OBP2A: variants seen among roughly 807,000 people sequenced by gnomAD.
The protein encoded by OBP2A is odorant binding protein 2A, also known as odorant-binding protein 2a.
OBP2A carries 15 observed loss-of-function variants against 21.9 expected under a neutral mutation model. That is an observed-to-expected ratio of 0.69 (90% CI 0.46 to 1.06). OBP2A has a LOEUF of 1.06. OBP2A is among the 50% of genes least tolerant of loss of function. The pLI, the probability that OBP2A is intolerant of heterozygous loss-of-function variation, is 0.00. For synonymous variants in OBP2A, 86 were observed against 91.8 expected (o/e 0.94, Z 0.36); for missense variants, 192 against 220.1 (o/e 0.87, Z 0.81).
At position 135,549,863 on chromosome 9, in the gene OBP2A, C is replaced by A. The variant is rs1832076162; in HGVS notation, c.*28C>A. On this transcript the variant is annotated 3_prime_UTR_variant, in exon 7 of 7. Coordinates refer to ENST00000371776, the MANE Select transcript of OBP2A (RefSeq NM_014582.3). ...AGCCCCCGGGTCTGCACCTCCAGAG[C>A]CCACCCTACCACCAGACACAGAGCC... The A allele has an allele frequency of 1.9e-6, 3 of 1,548,908 alleles. No homozygotes were observed. Among genetic ancestry groups the A allele is most frequent in the Non-Finnish European group, 2.6e-6 (3 of 1,146,148 alleles).
At chr9:135,548,612 C>T (rs1832019165) in intron 4 of OBP2A, 96 bp from the exon 5 acceptor site, 2 of 1,573,738 alleles carry the variant, frequency 1.3e-6, no homozygotes, top group East Asian at 2.3e-5. Context: ...CTCCCCCGTC[C>T]TGATGCTGGG....
rs1356360496 is a variant in OBP2A at position 135,549,332 on chromosome 9, G to A, written c.*1+1G>A. 4 of 1,507,126 alleles carry A rather than the reference G, an allele frequency of 2.7e-6. 1 individual carries two copies. Among genetic ancestry groups the A allele is most frequent in the Admixed American group, 3.5e-5 (2 of 57,694 alleles). The allele number at this position is 1,507,126 out of a possible 1,614,324, so 93.4% of individuals were successfully genotyped here. A position where few individuals can be genotyped will look rare whatever the true frequency, so the allele number is the denominator to read the frequency against. On this transcript the variant is annotated splice_donor_variant, in intron 6 of 6. Coordinates refer to ENST00000371776, the MANE Select transcript of OBP2A (RefSeq NM_014582.3). LOFTEE classifies it low-confidence loss of function (3UTR_SPLICE). ...GGAAGCTGCGTTCTCGAACACTAGG[G>A]TGAGTGAGCCTTTAGGAGGGCACTG...
chr9:135,549,009 G>A (rs1416230949), intron 5 of OBP2A, among the ~76,000 whole-genome samples, 200 bp downstream of exon 5: 2 of 138,280 alleles, frequency 1.4e-5, no homozygotes, highest in African/African-American at 6.2e-5. Flanking sequence ...GGGGCTCCGC[G>A]CTCTGGGCTG....
rs142617413 is a variant in OBP2A, at chr9:135,546,828, G to A, written c.123G>A (p.Pro41=). 147 of 1,613,390 alleles carry A rather than the reference G, an allele frequency of 9.1e-5. 2 individuals carry two copies. The African/African-American group carries it at 1.1e-3, about 12-fold the overall frequency. The change falls in exon 2 of 7, where the codon CCG becomes CCA. Residue 41 remains proline, a synonymous_variant. Coordinates refer to ENST00000371776, the MANE Select transcript of OBP2A (RefSeq NM_014582.3). ...VKAMVVDKDF[P]EDRRPRKVSP... is the part of the protein sequence containing the mutation. ...CCATGGTGGTCGATAAGGACTTTCC[G>A]GAGGACAGGAGGCCCAGGAAGGTGT...
intron 1 of OBP2A, among the ~76,000 whole-genome samples, chr9:135,546,505 G>A (rs1358109587): frequency 1.3e-4 from 20 of 151,772 alleles, no homozygotes; most frequent in Non-Finnish European, 5.9e-5. Flanking sequence ...CGCAGGGTTG[G>A]GCCCTGTGGA....
intron 4 of OBP2A, 87 bp from the exon 5 acceptor site, chr9:135,548,621 G>A: frequency 6.3e-7 from 1 of 1,586,182 alleles, no homozygotes; most frequent in Non-Finnish European, 8.6e-7. Flanking sequence ...CCTGATGCTG[G>A]GCCGTGGTCG....
In OBP2A at chr9:135,547,908, CG is replaced by C. The variant is rs1276048146; in HGVS notation, c.318del (p.Thr107ArgfsTer101). On this transcript the variant is annotated frameshift_variant, in exon 4 of 7. Coordinates refer to ENST00000371776, the MANE Select transcript of OBP2A (RefSeq NM_014582.3). LOFTEE classifies it high-confidence loss of function. The stretch of plus-strand genomic sequence containing the variant: ...AGCTCATATACCTGCAGGAGCTGCC[CG>C]GGACGGACGACTACGTCTTTTACTG... Reference protein sequence around the residue: ...RKLIYLQELPGTDDYVFYCKD... With the variant: ...RKLIYLQELPXTDDYVFYCKD... 1 of 1,613,076 alleles carries C rather than the reference CG, an allele frequency of 6.2e-7. No homozygotes were observed. The highest frequency in any genetic ancestry group is 1.3e-5 in the African/African-American group (1 of 74,914).
At position 135,547,988 on chromosome 9, in the gene OBP2A, G is replaced by T; in HGVS notation, c.388+7G>T. On this transcript the variant is annotated splice_region_variant and intron_variant, in intron 4 of 6. Coordinates refer to ENST00000371776, the MANE Select transcript of OBP2A (RefSeq NM_014582.3). ...TACATGGGAAAGCTTGTGGGTGAGG[G>T]GCCCGCTGGGGCCTGCATGTCCTGC... 3 of 1,579,810 alleles carry T rather than the reference G, an allele frequency of 1.9e-6. No homozygotes were observed. Among genetic ancestry groups the T allele is most frequent in the African/African-American group, 1.3e-5 (1 of 74,166 alleles).
Position 135,549,181 on chromosome 9 carries a change from G to A in OBP2A, c.491-127G>A, listed in dbSNP as rs1371053602. On this transcript the variant is annotated intron_variant, in intron 5 of 6. Coordinates refer to ENST00000371776, the MANE Select transcript of OBP2A (RefSeq NM_014582.3). ...TCTGGGGCTCCGCGCTCTGGGCTGC[G>A]ATGGGGTCTGGGGCTCCGCGCTCTG... 1.4e-5 allele frequency: 8 copies of A among 568,234 alleles called. 1 individual carries two copies. The highest frequency in any genetic ancestry group is 4.3e-4 in the Middle Eastern group (1 of 2,302). The allele number at this position is 568,234 out of a possible 1,614,324, so 35.2% of individuals were successfully genotyped here.
Position 135,547,909 on chromosome 9 carries a change from G to A in OBP2A, c.316G>A (p.Gly106Arg), listed in dbSNP as rs145390047. Reference protein sequence around the residue: ...RKLIYLQELPGTDDYVFYCKD... With the variant: ...RKLIYLQELPRTDDYVFYCKD... ...GCTCATATACCTGCAGGAGCTGCCC[G>A]GGACGGACGACTACGTCTTTTACTG... is the stretch of plus-strand genomic sequence containing the variant. Residue 106 changes from glycine (G) to arginine (R), a missense_variant, in exon 4 of 7, where the codon GGG becomes AGG. By Grantham distance (125) the Gly-to-Arg change is moderately radical (BLOSUM62 -2). Transcript: ENST00000371776. The A allele has an allele frequency of 5.1e-5, 82 of 1,613,180 alleles. No homozygotes were observed. The African/African-American group carries it at 5.7e-4, about 11-fold the overall frequency.
chr9:135,547,954 G>T lies in OBP2A; in HGVS notation c.361G>T (p.Gly121Cys). 2 of 1,612,562 alleles carry T rather than the reference G, an allele frequency of 1.2e-6. No individual in the cohort carries two copies. The highest frequency in any genetic ancestry group is 1.7e-6 in the Non-Finnish European group (2 of 1,179,132). Residue 121 changes from glycine (G) to cysteine (C), a missense_variant, in exon 4 of 7, where the codon GGC becomes TGC. Transcript: ENST00000371776. ...VFYCKDQRRG[G>C]LRYMGKLVGR... is the part of the protein sequence containing the mutation. ...TTACTGCAAAGACCAGCGCCGTGGG[G>T]GCCTGCGCTACATGGGAAAGCTTGT...
chr9:135,546,185 A>G lies in OBP2A; in HGVS notation c.5A>G (p.Lys2Arg), dbSNP rs1333276872. The G allele has an allele frequency of 4.7e-6, 7 of 1,479,518 alleles. No individual in the cohort carries two copies. The highest frequency in any genetic ancestry group is 1.8e-5 in the Admixed American group (1 of 54,394). The allele number at this position is 1,479,518 out of a possible 1,614,324, so 91.6% of individuals were successfully genotyped here. Reference sequence around the variant, plus strand: ...CGGCAGCACAGAGCTCTGGAGATGAAGACCCTGTTCCTGGGTGTCACGCTC... The same window carrying G: ...CGGCAGCACAGAGCTCTGGAGATGAGGACCCTGTTCCTGGGTGTCACGCTC... M[K>R]TLFLGVTLGL... The change falls in exon 1 of 7, where the codon AAG becomes AGG. Residue 2 changes from lysine (K) to arginine (R), a missense_variant. Coordinates refer to ENST00000371776, the MANE Select transcript of OBP2A (RefSeq NM_014582.3).
chr9:135,546,656 C>T (rs1831939554), intron 1 of OBP2A, 122 bp from the exon 2 acceptor site: 15 of 1,490,090 alleles, frequency 1.0e-5, no homozygotes, highest in Middle Eastern at 2.4e-4. Context: ...AGGAACCCAG[C>T]CTGCCTTTAG....
intron 2 of OBP2A, 44 bp from the exon 3 acceptor site, chr9:135,547,134 G>T (rs4006724): frequency 0.18 from 256,916 of 1,399,446 alleles, 30,402 homozygotes; most frequent in Non-Finnish European, 0.19. Flanking sequence ...GGATGGGCCA[G>T]GTGTGTCCTG....
chr9:135,547,337 T>G (rs1831968074), intron 3 of OBP2A, 89 bp downstream of exon 3: 2 of 1,412,746 alleles, frequency 1.4e-6, no homozygotes, highest in East Asian at 2.3e-5. Context: ...GCCACACTTC[T>G]GCCAGGGTCC....
chr9:135,547,004 T>C, intron 2 of OBP2A, 93 bp downstream of exon 2: 1 of 1,589,310 alleles, frequency 6.3e-7, no homozygotes, highest in African/African-American at 1.3e-5. Context: ...ATTTCGGGTG[T>C]TGGGAAGAGT....
chr9:135,548,527 C>A, intron 4 of OBP2A, 181 bp from the exon 5 acceptor site: 1 of 802,780 alleles, frequency 1.2e-6, no homozygotes. Context: ...TCCTCTCCCC[C>A]TTGCCTGGTG....
At position 135,549,864 on chromosome 9, in the gene OBP2A, C is replaced by T; in HGVS notation, c.*29C>T. ...GCCCCCGGGTCTGCACCTCCAGAGC[C>T]CACCCTACCACCAGACACAGAGCCC... On this transcript the variant is annotated 3_prime_UTR_variant, in exon 7 of 7. Transcript: ENST00000371776. 6.5e-7 allele frequency: 1 copy of T among 1,548,950 alleles called. No homozygotes were observed. Among genetic ancestry groups the T allele is most frequent in the Non-Finnish European group, 8.7e-7 (1 of 1,146,150 alleles).
chr9:135,548,677 A>G (rs755421646), intron 4 of OBP2A, 31 bp from the exon 5 acceptor site: 1 of 1,613,156 alleles, frequency 6.2e-7, no homozygotes, highest in Non-Finnish European at 8.5e-7. Context: ...CGCTGTCCCC[A>G]CCTTGGCTCA....
Sources: gnomAD v4.1 joint callset for allele counts (sites outside exome capture counted in the v4.1 genomes callset) on GRCh38, gnomAD v4.1.1 for gene constraint, MANE v1.5 for transcripts, NCBI Gene and HGNC (gene_info 2026-07-23, HGNC 2026-07-21) for gene names.